The following MAF variants were observed in gnomAD, a reference collection of about 807,000 sequenced individuals.
MAF encodes the protein transcription factor Maf.
MAF carries 10 observed loss-of-function variants against 22.0 expected under a neutral mutation model. The ratio of observed to expected loss-of-function variants is 0.45; its 90% CI spans 0.28 to 0.77. MAF has a LOEUF of 0.77. Ranked by LOEUF, MAF falls within the 30% of genes least tolerant of loss-of-function variation. MAF has a pLI of 0.12. For synonymous variants in MAF, 337 were observed against 255.8 expected, an observed-to-expected ratio of 1.32 and a Z score of -3.03; for missense variants, 544 against 548.4, an observed-to-expected ratio of 0.99 and a Z score of 0.08.
chr16:79,544,742 C>A, the MAF span, among the ~76,000 whole-genome samples: 1 of 144,488 alleles, frequency 6.9e-6, no homozygotes, highest in Non-Finnish European at 1.5e-5. Flanking sequence ...CACTGCACTC[C>A]AGCCTGGGCG....
chr16:79,346,085 T>A, the MAF span, among the ~76,000 whole-genome samples: 13 of 152,112 alleles, frequency 8.5e-5, no homozygotes, highest in Non-Finnish European at 1.5e-4. Flanking sequence ...TGTGCAGGTT[T>A]GTTACATATG....
chr16:79,595,918 G>C, intron 1 of MAF: 1 of 1,058,974 alleles, frequency 9.4e-7, no homozygotes, highest in East Asian at 5.2e-5. Flanking sequence ...GATCTTCAGT[G>C]TTAAAGAGAA....
chr16:79,227,327 G>C, the MAF span, among the ~76,000 whole-genome samples: 2 of 152,026 alleles, frequency 1.3e-5, no homozygotes, highest in Admixed American at 6.6e-5. Context: ...CTCTAGCCTG[G>C]GGGACAGAAG....
At chr16:79,425,101 GAATA>G in the MAF span, among the ~76,000 whole-genome samples, 1 of 152,030 alleles carries the variant, frequency 6.6e-6, no homozygotes, top group Non-Finnish European at 1.5e-5. Flanking sequence ...CAAAGATGAT[GAATA>G]CTTTTCATCG....
At chr16:79,231,178 A>G in the MAF span, among the ~76,000 whole-genome samples, 1 of 152,020 alleles carries the variant, frequency 6.6e-6, no homozygotes, top group African/African-American at 2.4e-5. Context: ...GGGACCAGGA[A>G]GCTCAAAGTC....
the MAF span, among the ~76,000 whole-genome samples, chr16:79,467,812 T>G: frequency 6.6e-6 from 1 of 151,926 alleles, no homozygotes; most frequent in African/African-American, 2.4e-5. Flanking sequence ...CTCCACATAC[T>G]AGGCACTTAA....
chr16:79,248,318 C>T, the MAF span, among the ~76,000 whole-genome samples: 1 of 152,166 alleles, frequency 6.6e-6, no homozygotes, highest in East Asian at 1.9e-4. Flanking sequence ...TGCTGTCTTA[C>T]TAATACAATA....
At chr16:79,383,949 G>C in the MAF span, among the ~76,000 whole-genome samples, 103 of 152,298 alleles carry the variant, frequency 6.8e-4, 1 homozygote, top group African/African-American at 2.2e-3. Context: ...AGTCCTGCCT[G>C]AAAAGCCACT....
chr16:79,491,472 G>C, the MAF span, among the ~76,000 whole-genome samples: 3 of 152,206 alleles, frequency 2.0e-5, no homozygotes, highest in East Asian at 3.9e-4. Flanking sequence ...GCAGTCTCGA[G>C]TCCCAGTCAA....
the MAF span, among the ~76,000 whole-genome samples, chr16:79,335,724 G>A: frequency 6.6e-6 from 1 of 152,202 alleles, no homozygotes; most frequent in Non-Finnish European, 1.5e-5. Flanking sequence ...CCTGCTGCTG[G>A]GGCCGGGAAT....
chr16:79,271,607 C>T, the MAF span, among the ~76,000 whole-genome samples: 1 of 152,208 alleles, frequency 6.6e-6, no homozygotes, highest in Non-Finnish European at 1.5e-5. Flanking sequence ...CTTATTTTCT[C>T]TCTCAGATAC....
chr16:79,386,030 T>C, the MAF span, among the ~76,000 whole-genome samples: 17 of 152,222 alleles, frequency 1.1e-4, 1 homozygote, highest in Admixed American at 1.1e-3. Flanking sequence ...CCTCAGAGCT[T>C]AGAGCTTAAG....
chr16:79,268,979 G>C, the MAF span, among the ~76,000 whole-genome samples: 2 of 152,188 alleles, frequency 1.3e-5, no homozygotes, highest in Non-Finnish European at 1.5e-5. Flanking sequence ...AGAGATAAAA[G>C]CTCCTCAGCT....
chr16:79,405,071 G>A, the MAF span, among the ~76,000 whole-genome samples: 95 of 152,300 alleles, frequency 6.2e-4, no homozygotes, highest in Non-Finnish European at 1.1e-3. Context: ...CTTCTTCAGC[G>A]TGGGTGACAC....
chr16:79,507,528 C>T, the MAF span, among the ~76,000 whole-genome samples: 1 of 151,698 alleles, frequency 6.6e-6, no homozygotes, highest in South Asian at 2.1e-4. Flanking sequence ...GGGTTCATGC[C>T]ATTCTCCTGC....
the MAF span, among the ~76,000 whole-genome samples, chr16:79,568,129 T>C: frequency 6.6e-6 from 1 of 152,178 alleles, no homozygotes; most frequent in Non-Finnish European, 1.5e-5. Context: ...AGGGAGTCTG[T>C]TTCTCAATAA....
the MAF span, among the ~76,000 whole-genome samples, chr16:79,544,680 G>A: frequency 6.6e-6 from 1 of 150,982 alleles, no homozygotes; most frequent in African/African-American, 2.4e-5. Flanking sequence ...AGGCTGAGCA[G>A]GAGAATGGCG....
the MAF span, among the ~76,000 whole-genome samples, chr16:79,360,107 A>T: frequency 6.6e-6 from 1 of 152,098 alleles, no homozygotes; most frequent in Non-Finnish European, 1.5e-5. Context: ...GAACACAGGG[A>T]GCTGTCCATG....
chr16:79,458,902 A>T, the MAF span, among the ~76,000 whole-genome samples: 64 of 152,250 alleles, frequency 4.2e-4, no homozygotes, highest in Admixed American at 4.2e-3. Flanking sequence ...CAGAGATGCT[A>T]AACAAGCTAC....
Sources: gnomAD v4.1 joint callset for allele counts (sites outside exome capture counted in the v4.1 genomes callset) on GRCh38, gnomAD v4.1.1 for gene constraint, MANE v1.5 for transcripts, NCBI Gene and HGNC (gene_info 2026-07-23, HGNC 2026-07-21) for gene names.